Variants in TMEM108 observed in about 807,000 individuals in gnomAD.
The protein encoded by TMEM108 is transmembrane protein 108.
A neutral mutation model predicts 35.1 loss-of-function variants in TMEM108; 12 were observed. The ratio of observed to expected loss-of-function variants is 0.34; its 90% CI spans 0.22 to 0.55. TMEM108 has a LOEUF of 0.55. TMEM108 is among the 20% of genes least tolerant of loss of function. TMEM108 has a pLI of 0.89. For synonymous variants in TMEM108, 287 were observed against 308.6 expected, an observed-to-expected ratio of 0.93 and a Z score of 0.73; for missense variants, 680 against 753.3, an observed-to-expected ratio of 0.90 and a Z score of 1.14.
chr3:133,292,439 G>A (rs11922977), intron 3 of TMEM108, among the ~76,000 whole-genome samples: 52,516 of 152,064 alleles, frequency 0.35, 9,326 homozygotes, highest in East Asian at 0.48. Flanking sequence ...GTTGATCTCA[G>A]GCTCTCCTTT....
intron 5 of TMEM108, among the ~76,000 whole-genome samples, chr3:133,394,264 G>A (rs889201860): frequency 2.6e-5 from 4 of 152,188 alleles, no homozygotes; most frequent in Non-Finnish European, 5.9e-5. Context: ...TTTGGAGACT[G>A]CCAAATGGTT....
At chr3:133,162,144 C>G (rs976892608) in intron 2 of TMEM108, among the ~76,000 whole-genome samples, 4 of 149,948 alleles carry the variant, frequency 2.7e-5, no homozygotes, top group African/African-American at 9.7e-5. Context: ...GCATTGAATC[C>G]TAGACTTTTT....
chr3:133,390,102 C>T (rs1160129508), intron 4 of TMEM108, 78 bp from the exon 5 acceptor site: 3 of 1,567,636 alleles, frequency 1.9e-6, no homozygotes, highest in East Asian at 4.5e-5. Flanking sequence ...TGGGAACTCT[C>T]CTCATCAGTT....
At chr3:133,096,977 A>G (rs1173228455) in intron 2 of TMEM108, among the ~76,000 whole-genome samples, 1 of 152,222 alleles carries the variant, frequency 6.6e-6, no homozygotes, top group Non-Finnish European at 1.5e-5. Flanking sequence ...TAGTACCACA[A>G]CTATCTCCTA....
intron 3 of TMEM108, among the ~76,000 whole-genome samples, chr3:133,305,283 A>G (rs1167101622): frequency 6.8e-6 from 1 of 147,284 alleles, no homozygotes; most frequent in African/African-American, 2.5e-5. Flanking sequence ...CAAACACCAC[A>G]TATTCTCACT....
intron 2 of TMEM108, among the ~76,000 whole-genome samples, chr3:133,228,691 T>A (rs1212214838): frequency 1.3e-5 from 2 of 152,164 alleles, no homozygotes; most frequent in Non-Finnish European, 2.9e-5. Flanking sequence ...CTCTAAAATG[T>A]GAGCAGTAAT....
At chr3:133,245,378 G>A (rs988032060) in intron 3 of TMEM108, among the ~76,000 whole-genome samples, 1 of 152,128 alleles carries the variant, frequency 6.6e-6, no homozygotes, top group African/African-American at 2.4e-5. Flanking sequence ...TATTCCTTGC[G>A]AAGTTCTTTG....
At chr3:133,092,445 C>T (rs1947249) in intron 2 of TMEM108, among the ~76,000 whole-genome samples, 71,026 of 151,928 alleles carry the variant, frequency 0.47, 17,999 homozygotes, top group Non-Finnish European at 0.57. Context: ...CAGTTTTAAG[C>T]ATGTTAAAAT....
At chr3:133,200,067 A>T (rs557736376) in intron 2 of TMEM108, among the ~76,000 whole-genome samples, 2 of 152,314 alleles carry the variant, frequency 1.3e-5, no homozygotes, top group African/African-American at 4.8e-5. Flanking sequence ...CCTCCAAGCC[A>T]GGCACGGGAT....
intron 3 of TMEM108, among the ~76,000 whole-genome samples, chr3:133,255,070 A>G (rs1305771431): frequency 6.6e-6 from 1 of 152,206 alleles, no homozygotes; most frequent in Non-Finnish European, 1.5e-5. Flanking sequence ...GAAGTCATAT[A>G]ATCCTTTCTA....
chr3:133,181,958 T>A (rs932138941), intron 2 of TMEM108, among the ~76,000 whole-genome samples: 2 of 152,228 alleles, frequency 1.3e-5, no homozygotes, highest in African/African-American at 4.8e-5. Flanking sequence ...GAGGTCTCTT[T>A]GCCCAGAGTA....
At chr3:133,294,299 C>T (rs1045866865) in intron 3 of TMEM108, among the ~76,000 whole-genome samples, 5 of 152,130 alleles carry the variant, frequency 3.3e-5, no homozygotes, top group African/African-American at 1.2e-4. Context: ...CTCAGAACTT[C>T]TCAGAAGAAT....
chr3:133,075,573 T>C (rs977030045), intron 2 of TMEM108, among the ~76,000 whole-genome samples: 1 of 152,180 alleles, frequency 6.6e-6, no homozygotes, highest in Non-Finnish European at 1.5e-5. Context: ...TTTCTGTTGT[T>C]GTCCTTCATC....
At chr3:133,386,656 G>A in intron 4 of TMEM108, 9 of 1,414,372 alleles carry the variant, frequency 6.4e-6, no homozygotes, top group Non-Finnish European at 8.3e-6. Context: ...TACTGCCTCA[G>A]GAGAAACAGA....
At chr3:133,330,435 A>G (rs2071382173) in intron 3 of TMEM108, among the ~76,000 whole-genome samples, 1 of 152,116 alleles carries the variant, frequency 6.6e-6, no homozygotes, top group South Asian at 2.1e-4. Flanking sequence ...TGTGTAAGAG[A>G]GAGAATATGA....
chr3:133,141,586 G>A (rs1944641787), intron 2 of TMEM108, among the ~76,000 whole-genome samples: 1 of 152,188 alleles, frequency 6.6e-6, no homozygotes, highest in African/African-American at 2.4e-5. Flanking sequence ...AAGGCTTTCA[G>A]AGCATGTAAC....
intron 3 of TMEM108, among the ~76,000 whole-genome samples, chr3:133,323,878 T>C (rs1490515810): frequency 6.6e-6 from 1 of 152,138 alleles, no homozygotes; most frequent in African/African-American, 2.4e-5. Flanking sequence ...GCCAAATATT[T>C]ATAGCCAACT....
At chr3:133,152,964 G>A (rs959510274) in intron 2 of TMEM108, among the ~76,000 whole-genome samples, 1 of 151,998 alleles carries the variant, frequency 6.6e-6, no homozygotes, top group African/African-American at 2.4e-5. Flanking sequence ...TTCAATGTTT[G>A]GGCCTGTTTC....
At chr3:133,378,149 T>C (rs987113358) in intron 3 of TMEM108, among the ~76,000 whole-genome samples, 5 of 152,182 alleles carry the variant, frequency 3.3e-5, no homozygotes, top group African/African-American at 1.2e-4. Flanking sequence ...AAATTTTTGG[T>C]CCTAGAGTTG....
Sources: allele counts gnomAD v4.1 joint callset (sites outside exome capture counted in the v4.1 genomes callset), GRCh38; gene constraint gnomAD v4.1.1; transcripts MANE v1.5; gene names NCBI Gene and HGNC (gene_info 2026-07-23, HGNC 2026-07-21).